Variants in LAMB4 observed in about 807,000 individuals in gnomAD.
The protein encoded by LAMB4 is laminin subunit beta 4.
A neutral mutation model predicts 199.2 loss-of-function variants in LAMB4; 196 were observed. That is an observed-to-expected ratio of 0.98 (90% CI 0.88 to 1.11). The LOEUF (loss-of-function observed/expected upper bound fraction) is 1.11, where lower values mean the gene tolerates loss of function less well. Ranked by LOEUF, LAMB4 falls within the 50% of genes least tolerant of loss-of-function variation. The pLI is 0.00. For missense variants in LAMB4, 2,080 were observed against 2,171.2 expected (o/e 0.96, Z 0.83); for synonymous variants, 744 against 770.6 (o/e 0.97, Z 0.57).
At chr7:108,119,569 A>G (rs1381574152) in intron 2 of LAMB4, among the ~76,000 whole-genome samples, 1 of 152,230 alleles carries the variant, frequency 6.6e-6, no homozygotes, top group East Asian at 1.9e-4. Flanking sequence ...ACAAAATTAT[A>G]GAGATAGAGA....
At chr7:108,034,707 A>G (rs1041458528) in intron 30 of LAMB4, among the ~76,000 whole-genome samples, 10 of 152,194 alleles carry the variant, frequency 6.6e-5, no homozygotes, top group Admixed American at 5.9e-4. Flanking sequence ...CTCAATCTCT[A>G]TTGGAGTGGG....
intron 30 of LAMB4, among the ~76,000 whole-genome samples, chr7:108,035,386 CA>C (rs2035185724): frequency 6.6e-6 from 1 of 151,354 alleles, no homozygotes; most frequent in Non-Finnish European, 1.5e-5. Flanking sequence ...ACTAAAAATG[CA>C]AAAAATTAGT....
chr7:108,021,996 T>C (rs2034704181), downstream of LAMB4, among the ~76,000 whole-genome samples: 1 of 139,918 alleles, frequency 7.1e-6, no homozygotes, highest in African/African-American at 3.4e-5. Context: ...TGCTGAGTAC[T>C]GAGAGAGTGA....
Position 108,105,870 on chromosome 7 carries a change from C to T in LAMB4, c.817G>A (p.Glu273Lys), listed in dbSNP as rs756743601. 4.0e-5 allele frequency: 65 copies of T among 1,614,114 alleles called. No individual in the cohort carries two copies. Among genetic ancestry groups the T allele is most frequent in the South Asian group, 6.6e-5 (6 of 91,090 alleles). ...GSCFCNGHAS[E>K]CRPMQKMRGD... ...CGCATCTTCTGCATAGGGCGACATT[C>T]GCTAGCATGGCCATTGCAAAAGCAG... The change falls in exon 8 of 34, where the codon GAA becomes AAA. Residue 273 changes from glutamate (E) to lysine (K), a missense_variant. By Grantham distance (56) the Glu-to-Lys change is moderately conservative. Transcript: ENST00000388781.
chr7:108,092,261 G>A (rs2037436216), intron 13 of LAMB4, 76 bp downstream of exon 13: 1 of 1,107,042 alleles, frequency 9.0e-7, no homozygotes, highest in Non-Finnish European at 1.4e-6. Flanking sequence ...TTTCACCTAT[G>A]ACTATGAGCG....
At chr7:108,055,249 T>G (rs376393515) in intron 25 of LAMB4, among the ~76,000 whole-genome samples, 2 of 151,810 alleles carry the variant, frequency 1.3e-5, no homozygotes, top group South Asian at 4.2e-4. Flanking sequence ...TGCAATGGCA[T>G]GATCTTGGGT....
At chr7:108,126,403 G>A (rs1276839592) in intron 1 of LAMB4, among the ~76,000 whole-genome samples, 2 of 151,926 alleles carry the variant, frequency 1.3e-5, no homozygotes, top group African/African-American at 2.4e-5. Context: ...GGCAGCCACC[G>A]TTCTACTTTC....
At chr7:108,091,542 A>C (rs1258710777) in intron 14 of LAMB4, 84 bp downstream of exon 14, 1 of 1,452,480 alleles carries the variant, frequency 6.9e-7, no homozygotes. Flanking sequence ...TAGGTATCTT[A>C]ACCACGATCT....
chr7:108,066,308 A>G (rs2036338718), intron 20 of LAMB4, 61 bp downstream of exon 20: 16 of 1,222,640 alleles, frequency 1.3e-5, no homozygotes, highest in Non-Finnish European at 1.9e-5. Context: ...ATGGATCTCT[A>G]TTAGGAGATT....
chr7:108,088,378 A>G (rs1314169699), intron 14 of LAMB4, among the ~76,000 whole-genome samples: 1 of 152,106 alleles, frequency 6.6e-6, no homozygotes, highest in Non-Finnish European at 1.5e-5. Flanking sequence ...TGGCCAGGCT[A>G]GTCTCAAACT....
chr7:108,121,054 G>A (rs1382408596), intron 2 of LAMB4, among the ~76,000 whole-genome samples: 3 of 152,136 alleles, frequency 2.0e-5, no homozygotes, highest in African/African-American at 7.2e-5. Flanking sequence ...TATCCTTCCT[G>A]GGATGAAGTT....
chr7:108,020,558 A>T (rs1176533106), downstream of LAMB4, among the ~76,000 whole-genome samples: 2 of 151,456 alleles, frequency 1.3e-5, no homozygotes, highest in Non-Finnish European at 2.9e-5. Context: ...TAGGTTCTTT[A>T]CATCCTTTAA....
At chr7:108,123,861 C>T (rs987982691) in intron 1 of LAMB4, among the ~76,000 whole-genome samples, 6 of 152,184 alleles carry the variant, frequency 3.9e-5, no homozygotes, top group Non-Finnish European at 7.3e-5. Context: ...ATAAAGCAAA[C>T]TTGTGATTTT....
chr7:108,072,346 A>G (rs2036561555), intron 17 of LAMB4, among the ~76,000 whole-genome samples: 2 of 152,096 alleles, frequency 1.3e-5, no homozygotes, highest in Admixed American at 6.5e-5. Flanking sequence ...ACATGTACGC[A>G]TTGAAGTCTG....
intron 3 of LAMB4, among the ~76,000 whole-genome samples, chr7:108,112,873 C>T (rs561369051): frequency 2.0e-5 from 3 of 152,302 alleles, no homozygotes; most frequent in South Asian, 2.1e-4. Flanking sequence ...ACTCAGTGCA[C>T]GTTGCTTGTA....
intron 33 of LAMB4, among the ~76,000 whole-genome samples, chr7:108,028,581 A>C (rs1353131740): frequency 1.3e-5 from 2 of 150,174 alleles, no homozygotes; most frequent in African/African-American, 2.5e-5. Flanking sequence ...GGTTCAGGCA[A>C]TTCTCCTGCC....
Position 108,091,767 on chromosome 7 carries a change from G to T in LAMB4, c.1560C>A (p.Pro520=), listed in dbSNP as rs755408782. The change falls in exon 14 of 34, where the codon CCC becomes CCA. Residue 520 remains proline (P), a synonymous_variant. Transcript: ENST00000388781. ...GGCGGCATTCACACTGCCCATTCTT[G>T]GGTGAGCACCTGAGGAAAAAGCAAT... ...IGGAYSNVCS[P]KNGQCECRPH... is the part of the protein sequence containing the mutation. The T allele has an allele frequency of 6.2e-7, 1 of 1,613,754 alleles. No individual in the cohort carries two copies. The highest frequency in any genetic ancestry group is 8.5e-7 in the Non-Finnish European group (1 of 1,179,940).
intron 10 of LAMB4, among the ~76,000 whole-genome samples, chr7:108,101,752 G>T (rs2037822080): frequency 6.6e-6 from 1 of 152,172 alleles, no homozygotes; most frequent in African/African-American, 2.4e-5. Flanking sequence ...ATTTGTGCAA[G>T]CAGCAAGTGT....
chr7:108,071,934 C>CT (rs546301703), intron 17 of LAMB4, among the ~76,000 whole-genome samples: 2,024 of 145,616 alleles, frequency 0.014, 24 homozygotes, highest in African/African-American at 0.038. Context: ...AAAATCTGAA[C>CT]TTTTTTTTTT....
Sources: gnomAD v4.1 joint callset for allele counts (sites outside exome capture counted in the v4.1 genomes callset) on GRCh38, gnomAD v4.1.1 for gene constraint, MANE v1.5 for transcripts, NCBI Gene and HGNC (gene_info 2026-07-23, HGNC 2026-07-21) for gene names.